The following STK32C variants were observed in gnomAD, a reference collection of about 807,000 sequenced individuals.
STK32C encodes serine/threonine kinase 32C.
Under a neutral mutation model 56.5 loss-of-function variants are expected in STK32C, and 31 were observed. That is an observed-to-expected ratio of 0.55 (90% confidence interval 0.41 to 0.74). The LOEUF is 0.74. Ranked by LOEUF, STK32C falls within the 30% of genes least tolerant of loss-of-function variation. The probability of loss-of-function intolerance (pLI) is 0.00; values close to 1 mark genes in which losing one functional copy is unlikely to be tolerated. For missense variants in STK32C, 544 were observed against 676.9 expected, an observed-to-expected ratio of 0.80 and a Z score of 2.18; for synonymous variants, 309 against 289.4, an observed-to-expected ratio of 1.07 and a Z score of -0.69.
At chr10:132,248,851 C>G (rs1424241217) in intron 1 of STK32C, among the ~76,000 whole-genome samples, 1 of 152,190 alleles carries the variant, frequency 6.6e-6, no homozygotes, top group African/African-American at 2.4e-5. Flanking sequence ...AGCCTCTGGC[C>G]CCCGAGCTGT....
At chr10:132,238,429 C>T (rs1456570077) in intron 2 of STK32C, among the ~76,000 whole-genome samples, 4 of 152,116 alleles carry the variant, frequency 2.6e-5, no homozygotes, top group African/African-American at 9.7e-5. Flanking sequence ...AGGCAGACGA[C>T]GTGAAGGGGA....
At chr10:132,233,692 C>T (rs115608071) in intron 2 of STK32C, among the ~76,000 whole-genome samples, 4,397 of 152,298 alleles carry the variant, frequency 0.029, 222 homozygotes, top group African/African-American at 0.098. Context: ...GGCTGGGAAC[C>T]CCCCATGCCC....
intron 1 of STK32C, among the ~76,000 whole-genome samples, chr10:132,315,424 T>C (rs896311893): frequency 2.0e-5 from 3 of 152,178 alleles, no homozygotes; most frequent in African/African-American, 7.2e-5. Flanking sequence ...GCATGGCACA[T>C]GTATAGCTAT....
chr10:132,240,882 G>A (rs1048015645), intron 2 of STK32C, among the ~76,000 whole-genome samples: 1 of 152,086 alleles, frequency 6.6e-6, no homozygotes, highest in African/African-American at 2.4e-5. Flanking sequence ...ATCCATCTGG[G>A]CAAGGGGCTC....
chr10:132,250,845 G>T (rs894631494), intron 1 of STK32C, among the ~76,000 whole-genome samples: 1 of 152,212 alleles, frequency 6.6e-6, no homozygotes, highest in Admixed American at 6.5e-5. Context: ...GTTCCAAGCT[G>T]GGCAAGAGGC....
upstream of STK32C, among the ~76,000 whole-genome samples, chr10:132,309,174 C>T (rs1334305386): frequency 6.6e-6 from 1 of 152,158 alleles, no homozygotes; most frequent in Admixed American, 6.5e-5. Flanking sequence ...GTGAGCCCTG[C>T]CTCCCCACGG....
chr10:132,293,233 C>T (rs1430185013), intron 1 of STK32C, among the ~76,000 whole-genome samples: 4 of 152,216 alleles, frequency 2.6e-5, no homozygotes, highest in Admixed American at 6.5e-5. Context: ...GCCATCGCTA[C>T]TCTCACGGTC....
chr10:132,228,230 C>T (rs759841095), intron 2 of STK32C, 102 bp from the exon 3 acceptor site: 54 of 1,501,888 alleles, frequency 3.6e-5, no homozygotes, highest in Non-Finnish European at 4.7e-5. Flanking sequence ...ATCGTCAGGA[C>T]ACAAGGGGAC....
intron 1 of STK32C, among the ~76,000 whole-genome samples, chr10:132,284,530 C>T (rs922557664): frequency 2.0e-5 from 3 of 152,124 alleles, no homozygotes; most frequent in Non-Finnish European, 2.9e-5. Context: ...ACCCATGACA[C>T]CCACAGAGCC....
At chr10:132,240,529 T>C (rs972697734) in intron 2 of STK32C, among the ~76,000 whole-genome samples, 10 of 152,142 alleles carry the variant, frequency 6.6e-5, no homozygotes, top group Non-Finnish European at 1.3e-4. Flanking sequence ...CCCACAAACA[T>C]GCTCATCCTC....
chr10:132,330,443 C>T lies in STK32C; in HGVS notation c.301+993G>A, dbSNP rs1400385352. On this transcript the variant is annotated intron_variant, in intron 1 of 1. Transcript: ENST00000368619. The stretch of plus-strand genomic sequence containing the variant: ...TCCTTGCTCTGCCCGGGTGGCTGGC[C>T]TCCCCACGCTCCTGAGAAGGTACTG... 4 of 717,122 alleles carry T rather than the reference C, an allele frequency of 5.6e-6. No individual in the cohort carries two copies. The East Asian group carries it at 1.1e-4, about 19-fold the overall frequency. The allele number at this position is 717,122 out of a possible 1,614,324, so 44.4% of individuals were successfully genotyped here.
intron 10 of STK32C, among the ~76,000 whole-genome samples, chr10:132,217,830 A>C (rs1183204409): frequency 6.6e-6 from 1 of 152,154 alleles, no homozygotes. Context: ...AGGCCTCCCC[A>C]GCCATGTGGA....
Position 132,226,970 on chromosome 10 carries a change from T to C in STK32C, c.471-2A>G. On this transcript the variant is annotated splice_acceptor_variant, in intron 3 of 11. Transcript: ENST00000298630. LOFTEE classifies it high-confidence loss of function. The stretch of plus-strand genomic sequence containing the variant: ...TCCTCCTCGTCCTGGAAGGAGTACC[T>C]GTGGGCACCGATGGAAGGCCTGTTG... The C allele has an allele frequency of 6.2e-7, 1 of 1,613,074 alleles. No homozygotes were observed. Among genetic ancestry groups the C allele is most frequent in the Admixed American group, 1.7e-5 (1 of 60,012 alleles).
chr10:132,231,812 G>C (rs2063110461), intron 2 of STK32C, among the ~76,000 whole-genome samples: 1 of 152,234 alleles, frequency 6.6e-6, no homozygotes, highest in African/African-American at 2.4e-5. Context: ...TGGGAATGGA[G>C]TGACATGGCG....
chr10:132,227,666 T>G (rs1446646239), intron 3 of STK32C, among the ~76,000 whole-genome samples: 1 of 152,050 alleles, frequency 6.6e-6, no homozygotes, highest in East Asian at 1.9e-4. Context: ...GTCCCTAAAC[T>G]CTCTCCCTCT....
At chr10:132,290,373 T>C (rs1005155785) in intron 1 of STK32C, among the ~76,000 whole-genome samples, 15 of 152,210 alleles carry the variant, frequency 9.9e-5, no homozygotes, top group Admixed American at 4.6e-4. Flanking sequence ...TGCAAGACCA[T>C]ATGGAGTCCA....
At position 132,222,873 on chromosome 10, in the gene STK32C, G is replaced by C. The variant is rs2062732738; in HGVS notation, c.1107C>G (p.Gly369=). ...DHLSEKRVEP[G]FVPNKGRLHC... is the part of the protein sequence containing the mutation. ...CCCACAGGCTTACGTTGGGCACGAA[G>C]CCCGGCTCCACCCTCTTCTCGCTCA... The change falls in exon 9 of 12, where the codon GGC becomes GGG. Residue 369 remains glycine (G), a synonymous_variant. Transcript: ENST00000298630. 6.3e-7 allele frequency: 1 copy of C among 1,581,366 alleles called. No homozygotes were observed. The highest frequency in any genetic ancestry group is 1.4e-5 in the African/African-American group (1 of 74,068).
rs768055711 is a variant in STK32C, at chr10:132,225,217, T to G, written c.876+16A>C. 7.6e-6 allele frequency: 12 copies of G among 1,584,922 alleles called. 1 individual carries two copies. In the South Asian group the frequency reaches 1.4e-4, roughly 18 times the overall value. ...GGGCCTGGCAGCCAAGCCCAGGGGCTGCAGGGGGTCCATACCCATCCTCGC... is the reference window on the plus strand; with the variant it reads ...GGGCCTGGCAGCCAAGCCCAGGGGCGGCAGGGGGTCCATACCCATCCTCGC... On this transcript the variant is annotated intron_variant, in intron 7 of 11. Transcript: ENST00000298630.
intron 1 of STK32C, among the ~76,000 whole-genome samples, chr10:132,318,125 G>A (rs561389675): frequency 9.7e-4 from 147 of 151,890 alleles, no homozygotes; most frequent in African/African-American, 3.2e-3. Context: ...AAAATTAGCC[G>A]GGAGTGGTGG....
Sources: allele counts gnomAD v4.1 joint callset (sites outside exome capture counted in the v4.1 genomes callset), GRCh38; gene constraint gnomAD v4.1.1; transcripts MANE v1.5; gene names NCBI Gene and HGNC (gene_info 2026-07-23, HGNC 2026-07-21).